The following NNT variants were observed in gnomAD, a reference collection of about 807,000 sequenced individuals.
The protein encoded by NNT is nicotinamide nucleotide transhydrogenase, also known as NAD(P) transhydrogenase, mitochondrial.
Under a neutral mutation model 104.8 loss-of-function variants are expected in NNT, and 50 were observed. The observed-to-expected ratio is 0.48, with a 90% CI of 0.38 to 0.60. The LOEUF (loss-of-function observed/expected upper bound fraction) is 0.60. Among genes scored for constraint, NNT ranks in the 20% least tolerant of loss-of-function variants. The pLI, the probability that NNT is intolerant of heterozygous loss-of-function variation, is 0.00. For synonymous variants in NNT, 461 were observed against 490.4 expected, an observed-to-expected ratio of 0.94 and a Z score of 0.79; for missense variants, 1,131 against 1,330.7, an observed-to-expected ratio of 0.85 and a Z score of 2.33.
intron 12 of NNT, 121 bp downstream of exon 12, chr5:43,650,708 C>A: frequency 1.6e-6 from 1 of 642,188 alleles, no homozygotes; most frequent in Non-Finnish European, 2.5e-6. Context: ...ACCGTAAATG[C>A]TCTTTTTGCA....
chr5:43,628,722 G>C (rs1750504973), intron 7 of NNT, among the ~76,000 whole-genome samples: 1 of 152,062 alleles, frequency 6.6e-6, no homozygotes. Context: ...AAGTAACTGG[G>C]ATTACAGGTG....
In NNT at chr5:43,651,792, C is replaced by T. The variant is rs368650147; in HGVS notation, c.1771C>T (p.Pro591Ser). Residue 591 changes from proline to serine, a missense_variant, in exon 13 of 22, where the codon CCC (proline) becomes TCC (serine). Transcript: ENST00000344920. ...GGACATGTTCAAGCGTCCCACTGACCCCCCAGAATACAACTACCTGTACCT... is the reference window on the plus strand; with the variant it reads ...GGACATGTTCAAGCGTCCCACTGACTCCCCAGAATACAACTACCTGTACCT... Reference protein sequence around the residue: ...MLDMFKRPTDPPEYNYLYLLP... With the variant: ...MLDMFKRPTDSPEYNYLYLLP... The T allele has an allele frequency of 6.2e-7, 1 of 1,614,022 alleles. No homozygotes were observed. The highest frequency in any genetic ancestry group is 8.5e-7 in the Non-Finnish European group (1 of 1,179,998).
chr5:43,633,843 G>A (rs151262760), intron 7 of NNT, among the ~76,000 whole-genome samples: 340 of 152,222 alleles, frequency 2.2e-3, no homozygotes, highest in African/African-American at 7.8e-3. Context: ...GCTAATTTAA[G>A]CTTGGGAACT....
intron 17 of NNT, among the ~76,000 whole-genome samples, chr5:43,662,563 TA>T (rs1214511426): frequency 6.6e-6 from 1 of 152,084 alleles, no homozygotes; most frequent in Non-Finnish European, 1.5e-5. Context: ...GTCAGATTAA[TA>T]ATTCGGATTC....
chr5:43,646,707 A>G (rs1017258536), intron 10 of NNT, among the ~76,000 whole-genome samples: 2 of 152,102 alleles, frequency 1.3e-5, no homozygotes, highest in Non-Finnish European at 2.9e-5. Context: ...GATTATCTGC[A>G]CACATGGGTA....
chr5:43,619,976 C>T (rs1302123228), intron 5 of NNT, among the ~76,000 whole-genome samples: 3 of 151,484 alleles, frequency 2.0e-5, no homozygotes, highest in Non-Finnish European at 4.4e-5. Context: ...CTTCTATTAA[C>T]CCCCAGAGTG....
At chr5:43,694,780 G>GTGTGTC (rs1354405891) in intron 19 of NNT, among the ~76,000 whole-genome samples, 1 of 150,276 alleles carries the variant, frequency 6.7e-6, no homozygotes, top group Non-Finnish European at 1.5e-5. Flanking sequence ...GTGTGTGTGT[G>GTGTGTC]TCTGACAGAT....
chr5:43,653,348 T>G (rs1025385900), intron 14 of NNT, 135 bp downstream of exon 14: 6 of 789,046 alleles, frequency 7.6e-6, no homozygotes, highest in Non-Finnish European at 1.2e-5. Flanking sequence ...TGAAAATTCA[T>G]TCCAGTTGGT....
chr5:43,683,433 G>A (rs1277736030), intron 19 of NNT, among the ~76,000 whole-genome samples: 4 of 152,154 alleles, frequency 2.6e-5, no homozygotes, highest in Non-Finnish European at 5.9e-5. Context: ...GCCTCTTTTG[G>A]TCATACCACT....
intron 4 of NNT, 69 bp from the exon 5 acceptor site, chr5:43,618,960 TATG>T (rs1285531134): frequency 8.1e-6 from 7 of 869,268 alleles, no homozygotes; most frequent in Non-Finnish European, 8.1e-6. Context: ...ATTGATGACT[TATG>T]ATGATATGTG....
chr5:43,670,260 G>T (rs1013384345), intron 17 of NNT, among the ~76,000 whole-genome samples: 2 of 152,010 alleles, frequency 1.3e-5, no homozygotes, highest in Admixed American at 6.6e-5. Context: ...TTTTTGAATG[G>T]TTTTTTGTTT....
In NNT at chr5:43,653,220, A is replaced by G. The variant is rs1739859664; in HGVS notation, c.2059+7A>G. 6.2e-7 allele frequency: 1 copy of G among 1,606,832 alleles called. No homozygotes were observed. Among genetic ancestry groups the G allele is most frequent in the Admixed American group, 1.7e-5 (1 of 59,488 alleles). ...GCTTTGGGTGGTACCATTGGTAAGC[A>G]CTTGTGGGCTTCTGCCTTCATGTGA... On this transcript the variant is annotated splice_region_variant and intron_variant, in intron 14 of 21. Transcript: ENST00000344920.
At position 43,706,237 on chromosome 5, in the gene NNT, T is replaced by C. The variant is rs1743090903; in HGVS notation, c.*1833T>C. ...TTAAAGGATTTTTGTATATATAATT[T>C]CTTAAATTAATATTCCAAAAGGTTA... On this transcript the variant is annotated 3_prime_UTR_variant, in exon 22 of 22. Coordinates refer to ENST00000344920, the MANE Select transcript of NNT (RefSeq NM_182977.3). 1 of 151,718 alleles carries C rather than the reference T, an allele frequency of 6.6e-6. No individual in the cohort carries two copies. Among genetic ancestry groups the C allele is most frequent in the South Asian group, 2.1e-4 (1 of 4,822 alleles). The allele number at this position is 151,718 out of a possible 1,614,324, so 9.4% of individuals were successfully genotyped here.
Position 43,659,175 on chromosome 5 carries a change from T to C in NNT, c.2459T>C (p.Val820Ala). 1 of 1,600,074 alleles carries C rather than the reference T, an allele frequency of 6.2e-7. No homozygotes were observed. Among genetic ancestry groups the C allele is most frequent in the Non-Finnish European group, 8.5e-7 (1 of 1,173,536 alleles). Residue 820 changes from valine to alanine, a missense_variant, in exon 17 of 22, where the codon GTG becomes GCG. By Grantham distance (64) the Val-to-Ala change is moderately conservative (BLOSUM62 0). Coordinates refer to ENST00000344920, the MANE Select transcript of NNT (RefSeq NM_182977.3). ...CTGATTTGATTGTTGTTCTAGGGTG[T>C]GACTTTGACAGCTGCTATTGGGGGT... The part of the protein sequence containing the change: ...SVSALSAVMG[V>A]TLTAAIGGAD...
At chr5:43,674,780 A>T (rs952417633) in intron 17 of NNT, among the ~76,000 whole-genome samples, 1 of 152,204 alleles carries the variant, frequency 6.6e-6, no homozygotes, top group Non-Finnish European at 1.5e-5. Context: ...TGGCATTCCT[A>T]TGGTACATTC....
At position 43,650,716 on chromosome 5, in the gene NNT, G is replaced by A. The variant is rs920524280; in HGVS notation, c.1717+129G>A. ...CACTCTGACCGTAAATGCTCTTTTT[G>A]CAGGAAAATTAGTTATTTTGCCCAT... On this transcript the variant is annotated intron_variant, in intron 12 of 21. Coordinates refer to ENST00000344920, the MANE Select transcript of NNT (RefSeq NM_182977.3). 2.4e-5 allele frequency: 14 copies of A among 593,216 alleles called. No individual in the cohort carries two copies. In the African/African-American group the frequency reaches 2.6e-4, roughly 11 times the overall value. The allele number at this position is 593,216 out of a possible 1,614,324, so 36.7% of individuals were successfully genotyped here. A position where few individuals can be genotyped will look rare whatever the true frequency, so the allele number is the denominator to read the frequency against.
chr5:43,650,659 A>G, intron 12 of NNT, 72 bp downstream of exon 12: 1 of 1,129,874 alleles, frequency 8.9e-7, no homozygotes, highest in Non-Finnish European at 1.3e-6. Flanking sequence ...ATCCATATAA[A>G]ATAGACATAA....
chr5:43,647,861 G>A (rs567439346), intron 10 of NNT: 102 of 455,534 alleles, frequency 2.2e-4, no homozygotes, highest in Non-Finnish European at 4.3e-4. Flanking sequence ...TACTTCACAT[G>A]TCTTAGCTCA....
At chr5:43,643,695 A>G (rs1350497222) in intron 7 of NNT, among the ~76,000 whole-genome samples, 1 of 152,204 alleles carries the variant, frequency 6.6e-6, no homozygotes, top group Non-Finnish European at 1.5e-5. Flanking sequence ...GTAGGTTAAT[A>G]TGATGTGTTA....
Sources: allele counts gnomAD v4.1 joint callset (sites outside exome capture counted in the v4.1 genomes callset), GRCh38; gene constraint gnomAD v4.1.1; transcripts MANE v1.5; gene names NCBI Gene and HGNC (gene_info 2026-07-23, HGNC 2026-07-21).